SLC13A4: variants seen among roughly 807,000 people sequenced by gnomAD.
The protein encoded by SLC13A4 is solute carrier family 13 member 4.
SLC13A4 carries 28 observed loss-of-function variants against 72.7 expected under a neutral mutation model. The observed-to-expected ratio is 0.39, with a 90% CI of 0.29 to 0.53. The LOEUF is 0.53. SLC13A4 is among the 20% of genes least tolerant of loss of function. The pLI, the probability that SLC13A4 is intolerant of heterozygous loss-of-function variation, is 0.78. For synonymous variants in SLC13A4, 312 were observed against 325.5 expected (o/e 0.96, Z 0.45); for missense variants, 653 against 788.0 (o/e 0.83, Z 2.05).
chr7:135,683,483 C>G lies in SLC13A4; in HGVS notation c.1746+641G>C, dbSNP rs550644675. On this transcript the variant is annotated intron_variant, in intron 15 of 15. Transcript: ENST00000682651. ...GTATCAGTGTTTTCCATCCTCTCCC[C>G]CCCCGCTCAGCCCTGGATACTAAGT... 1.9e-4 allele frequency: 186 copies of G among 984,134 alleles called. 1 individual carries two copies. Among genetic ancestry groups the G allele is most frequent in the East Asian group, 3.4e-4 (3 of 8,770 alleles). The allele number at this position is 984,134 out of a possible 1,614,324, so 61.0% of individuals were successfully genotyped here. A position where few individuals can be genotyped will look rare whatever the true frequency, so the allele number is the denominator to read the frequency against.
chr7:135,721,906 T>C (rs776461375), intron 1 of SLC13A4, among the ~76,000 whole-genome samples: 6 of 152,164 alleles, frequency 3.9e-5, no homozygotes, highest in Non-Finnish European at 7.4e-5. Flanking sequence ...TGGTGTTAAG[T>C]TGACTGGATA....
At chr7:135,715,193 GTA>G (rs1432136592) in intron 2 of SLC13A4, among the ~76,000 whole-genome samples, 2 of 151,504 alleles carry the variant, frequency 1.3e-5, no homozygotes, top group African/African-American at 2.4e-5. Context: ...ATATAAGTGT[GTA>G]TGAGTGTATG....
chr7:135,695,216 C>T, intron 9 of SLC13A4, 152 bp downstream of exon 9: 2 of 953,818 alleles, frequency 2.1e-6, no homozygotes, highest in Non-Finnish European at 3.1e-6. Context: ...GAGACAGCAC[C>T]TGACTCTCAG....
intron 5 of SLC13A4, 79 bp downstream of exon 5, chr7:135,705,517 A>T (rs1319487973): frequency 7.4e-7 from 1 of 1,344,096 alleles, no homozygotes. Context: ...AGAGCTGTTT[A>T]TGGGTCTAGG....
In SLC13A4 at chr7:135,685,649, A is replaced by C. The variant is rs775781095; in HGVS notation, c.1481T>G (p.Met494Arg). The change falls in exon 14 of 16, where the codon ATG becomes AGG. Residue 494 changes from methionine (M) to arginine (R), a missense_variant. Physicochemically the swap from Met to Arg is moderately conservative, Grantham distance 91. Coordinates refer to ENST00000682651, the MANE Select transcript of SLC13A4 (RefSeq NM_001318192.2). ...CGGTGGGAGGCTGCTCAGGGACAAC[A>C]TCTGGTTCCCAATCCATGTAGAGAG... ...SGLSTWIGNQ[M>R]LSLSSLPPWA... 1.9e-6 allele frequency: 3 copies of C among 1,614,200 alleles called. No homozygotes were observed. The highest frequency in any genetic ancestry group is 2.5e-6 in the Non-Finnish European group (3 of 1,180,006).
chr7:135,711,955 G>A (rs1006398146), intron 2 of SLC13A4, among the ~76,000 whole-genome samples: 3 of 70,954 alleles, frequency 4.2e-5, no homozygotes, highest in African/African-American at 1.4e-4. Flanking sequence ...CCTGGCTAAT[G>A]TTTTTGGATT....
intron 13 of SLC13A4, among the ~76,000 whole-genome samples, chr7:135,686,551 G>A (rs1795629604): frequency 6.6e-6 from 1 of 152,060 alleles, no homozygotes; most frequent in Non-Finnish European, 1.5e-5. Flanking sequence ...CTTTTTATTT[G>A]TAGAGACAGA....
intron 2 of SLC13A4, among the ~76,000 whole-genome samples, chr7:135,717,769 G>T (rs1796460072): frequency 6.6e-6 from 1 of 152,158 alleles, no homozygotes; most frequent in South Asian, 2.1e-4. Flanking sequence ...GATGAGATTG[G>T]CATTTGAATC....
chr7:135,703,225 G>A, intron 5 of SLC13A4: 1 of 272,128 alleles, frequency 3.7e-6, no homozygotes, highest in Non-Finnish European at 7.0e-6. Context: ...CAGATCTATG[G>A]TCCTGGCATT....
rs111407145 is a variant in SLC13A4 at position 135,696,357 on chromosome 7, A to AT, written c.900-871dup. Among the ~76,000 whole-genome samples, 49 of 150,102 alleles carry AT rather than the reference A, an allele frequency of 3.3e-4. No homozygotes were observed. The Middle Eastern group carries it at 0.02, about 63-fold the overall frequency. On this transcript the variant is annotated intron_variant, in intron 8 of 15. Coordinates refer to ENST00000682651, the MANE Select transcript of SLC13A4 (RefSeq NM_001318192.2). The stretch of plus-strand genomic sequence containing the variant: ...ACTTTCCTTTTATTTTTTTATTTTT[A>AT]TTTTTTTTTGAGACGGAGTCTTGCT...
intron 2 of SLC13A4, among the ~76,000 whole-genome samples, chr7:135,718,104 C>T (rs907934123): frequency 1.4e-5 from 2 of 145,804 alleles, no homozygotes; most frequent in Admixed American, 6.7e-5. Flanking sequence ...CGCGCGCACG[C>T]GTGCGCGCTA....
intron 2 of SLC13A4, among the ~76,000 whole-genome samples, chr7:135,714,132 C>T (rs537958166): frequency 6.6e-6 from 1 of 152,310 alleles, no homozygotes; most frequent in South Asian, 2.1e-4. Flanking sequence ...ATTCCTGGTT[C>T]CATCTGTTTT....
intron 5 of SLC13A4, 191 bp from the exon 6 acceptor site, chr7:135,703,075 G>C: frequency 1.7e-6 from 1 of 586,500 alleles, no homozygotes; most frequent in East Asian, 2.8e-5. Context: ...AGTGGGGCCA[G>C]GGGCCTGCTT....
In SLC13A4 at chr7:135,727,622, C is replaced by A; in HGVS notation, c.-126G>T. Reference sequence around the variant, plus strand: ...TTCTTGGCTTCCGAGAGTCCTCCTTCGTCTTGGGGGCAGAACGGGAGGGCA... The same window carrying A: ...TTCTTGGCTTCCGAGAGTCCTCCTTAGTCTTGGGGGCAGAACGGGAGGGCA... On this transcript the variant is annotated 5_prime_UTR_variant, in exon 1 of 16. Transcript: ENST00000682651. 2 of 1,241,108 alleles carry A rather than the reference C, an allele frequency of 1.6e-6. No individual in the cohort carries two copies. The highest frequency in any genetic ancestry group is 1.1e-6 in the Non-Finnish European group (1 of 918,154). The allele number at this position is 1,241,108 out of a possible 1,614,324, so 76.9% of individuals were successfully genotyped here.
rs774932398 is a variant in SLC13A4 at position 135,706,216 on chromosome 7, G to T, written c.450C>A (p.Ile150=). 26 of 1,613,894 alleles carry T rather than the reference G, an allele frequency of 1.6e-5. No homozygotes were observed. In the Middle Eastern group the frequency reaches 1.6e-3, roughly 102 times the overall value. ...NTSTTAMVMP[I]VEAVLQELVS... The stretch of plus-strand genomic sequence containing the variant: ...CCAGCTCCTGCAGCACGGCCTCCAC[G>T]ATGGGCATCACCATGGCGGTGGTGG... The change falls in exon 4 of 16, where the codon ATC becomes ATA. Residue 150 remains isoleucine (I), a synonymous_variant. Transcript: ENST00000682651.
chr7:135,723,561 C>T (rs1351795123), intron 1 of SLC13A4, among the ~76,000 whole-genome samples: 2 of 152,180 alleles, frequency 1.3e-5, no homozygotes, highest in African/African-American at 4.8e-5. Flanking sequence ...TAGTTGTAAA[C>T]CATCAGGACT....
At chr7:135,720,552 A>AT (rs1406549092) in intron 2 of SLC13A4, among the ~76,000 whole-genome samples, 2 of 77,832 alleles carry the variant, frequency 2.6e-5, no homozygotes, top group East Asian at 7.1e-4. Flanking sequence ...AGGCTTTTTC[A>AT]TTAAAAAAAA....
intron 7 of SLC13A4, 53 bp downstream of exon 7, chr7:135,701,627 C>G (rs1300241944): frequency 6.4e-7 from 1 of 1,559,168 alleles, no homozygotes; most frequent in Non-Finnish European, 8.8e-7. Flanking sequence ...CCTTGGGAAG[C>G]AGTTCACAGC....
chr7:135,683,381 CTATT>C, intron 15 of SLC13A4: 1 of 979,952 alleles, frequency 1.0e-6, no homozygotes, highest in Non-Finnish European at 1.2e-6. Flanking sequence ...TTCCTTTCCT[CTATT>C]TGTTACTTTA....
Sources: gnomAD v4.1 joint callset for allele counts (sites outside exome capture counted in the v4.1 genomes callset) on GRCh38, gnomAD v4.1.1 for gene constraint, MANE v1.5 for transcripts, NCBI Gene and HGNC (gene_info 2026-07-23, HGNC 2026-07-21) for gene names.